Variants in RABGAP1L observed in about 807,000 individuals in gnomAD.
RABGAP1L encodes rab GTPase-activating protein 1-like.
Under a neutral mutation model 137.7 loss-of-function variants are expected in RABGAP1L, and 63 were observed. That is an observed-to-expected ratio of 0.46 (90% CI 0.37 to 0.56). The LOEUF (loss-of-function observed/expected upper bound fraction) is 0.56. Among genes scored for constraint, RABGAP1L ranks in the 20% least tolerant of loss-of-function variants. The pLI, the probability that RABGAP1L is intolerant of heterozygous loss-of-function variation, is 0.00. For missense variants in RABGAP1L, 1,095 were observed against 1,244.0 expected (o/e 0.88, Z 1.80); for synonymous variants, 431 against 433.7 (o/e 0.99, Z 0.08).
intron 12 of RABGAP1L, among the ~76,000 whole-genome samples, chr1:174,371,797 G>A (rs138237646): frequency 2.6e-5 from 4 of 152,176 alleles, no homozygotes; most frequent in Admixed American, 1.3e-4. Flanking sequence ...AAGTCTGGGC[G>A]GAATTTCACA....
intron 13 of RABGAP1L, among the ~76,000 whole-genome samples, chr1:174,442,916 A>C (rs1654319854): frequency 6.6e-6 from 1 of 151,972 alleles, no homozygotes; most frequent in Admixed American, 6.6e-5. Flanking sequence ...TTTACTCACT[A>C]CTTCAATAAG....
At chr1:174,526,908 T>A (rs538745451) in intron 13 of RABGAP1L, among the ~76,000 whole-genome samples, 2 of 152,270 alleles carry the variant, frequency 1.3e-5, no homozygotes, top group East Asian at 3.9e-4. Context: ...CCTTGAGGCA[T>A]ATTGTCAGAT....
chr1:174,878,925 G>GTTTTTTTTTTTT lies in RABGAP1L; in HGVS notation c.2340+66979_2340+66990dup, dbSNP rs869251284. 9.4e-5 allele frequency among the ~76,000 whole-genome samples: 8 copies of GTTTTTTTTTTTT among 85,184 alleles called. 1 individual carries two copies. Among genetic ancestry groups the GTTTTTTTTTTTT allele is most frequent in the African/African-American group, 2.7e-4 (5 of 18,604 alleles). 55.9% of individuals were successfully genotyped at this position (85,184 alleles called of 152,430 possible). ...AGAATTATGTAATTTTTTGTGCATTGTTTTTTTTTTTTTTTTTTTTTTTTT... is the reference window on the plus strand; with the variant it reads ...AGAATTATGTAATTTTTTGTGCATTGTTTTTTTTTTTTTTTTTTTTTTTTTTTTTTTTTTTTT... On this transcript the variant is annotated intron_variant, in intron 19 of 25. Coordinates refer to ENST00000681986, the MANE Select transcript of RABGAP1L (RefSeq NM_001366446.1).
At chr1:174,962,761 T>A (rs1444382406) in intron 20 of RABGAP1L, among the ~76,000 whole-genome samples, 2 of 152,196 alleles carry the variant, frequency 1.3e-5, no homozygotes, top group African/African-American at 4.8e-5. Context: ...TGTTGGACCC[T>A]TTCTTACTCA....
chr1:174,349,380 C>T (rs1387087948), intron 11 of RABGAP1L, among the ~76,000 whole-genome samples: 6 of 134,344 alleles, frequency 4.5e-5, no homozygotes, highest in Admixed American at 7.1e-5. Flanking sequence ...ACCTCCCTCC[C>T]GGACGGGGCG....
intron 7 of RABGAP1L, among the ~76,000 whole-genome samples, chr1:174,257,255 A>C (rs1673214430): frequency 6.6e-6 from 1 of 152,214 alleles, no homozygotes; most frequent in African/African-American, 2.4e-5. Flanking sequence ...GTATTGAGTT[A>C]ATTTAACTTT....
Position 174,233,511 on chromosome 1 carries a change from C to T in RABGAP1L, c.542+2156C>T, listed in dbSNP as rs1420663190. On this transcript the variant is annotated intron_variant, in intron 4 of 25. Coordinates refer to ENST00000681986, the MANE Select transcript of RABGAP1L (RefSeq NM_001366446.1). ...CTTCCCACCTATGAGTGAGAATATG[C>T]GGTGTTTGGTTTTTTGTTCTTGCGA... is the stretch of plus-strand genomic sequence containing the variant. 9.3e-5 allele frequency among the ~76,000 whole-genome samples: 13 copies of T among 140,308 alleles called. No homozygotes were observed. The South Asian group carries it at 1.9e-3, about 21-fold the overall frequency. 92.0% of individuals were successfully genotyped at this position (140,308 alleles called of 152,430 possible).
intron 15 of RABGAP1L, among the ~76,000 whole-genome samples, chr1:174,693,801 T>C (rs528467539): frequency 1.0e-3 from 154 of 152,332 alleles, no homozygotes; most frequent in Non-Finnish European, 1.8e-3. Flanking sequence ...ATCAAACAAC[T>C]GCACAAATGC....
chr1:174,638,722 T>A lies in RABGAP1L; in HGVS notation c.1824+1234T>A, dbSNP rs567704454. Among the ~76,000 whole-genome samples, 386 of 144,386 alleles carry A rather than the reference T, an allele frequency of 2.7e-3. 1 individual carries two copies. The highest frequency in any genetic ancestry group is 9.5e-3 in the African/African-American group (365 of 38,432). 94.7% of individuals were successfully genotyped at this position (144,386 alleles called of 152,430 possible). A position where few individuals can be genotyped will look rare whatever the true frequency, so the allele number is the denominator to read the frequency against. On this transcript the variant is annotated intron_variant, in intron 14 of 25. Transcript: ENST00000681986. Reference sequence around the variant, plus strand: ...TATGCAGCCATAAAAAATGATGAGTTCATGTCCTTTGTAGGGACATGGATG... The same window carrying A: ...TATGCAGCCATAAAAAATGATGAGTACATGTCCTTTGTAGGGACATGGATG...
chr1:174,876,293 C>T (rs34172033), intron 19 of RABGAP1L, among the ~76,000 whole-genome samples: 12 of 152,032 alleles, frequency 7.9e-5, no homozygotes, highest in Non-Finnish European at 1.5e-4. Context: ...TGATTTTAGA[C>T]GAACTTGCCA....
intron 17 of RABGAP1L, among the ~76,000 whole-genome samples, chr1:174,726,492 A>G (rs1681994600): frequency 6.6e-6 from 1 of 151,978 alleles, no homozygotes; most frequent in African/African-American, 2.4e-5. Flanking sequence ...GCAAGGTTGA[A>G]TCAAAAGTAA....
At chr1:174,250,134 G>A (rs1672603090) in intron 5 of RABGAP1L, among the ~76,000 whole-genome samples, 1 of 152,116 alleles carries the variant, frequency 6.6e-6, no homozygotes, top group African/African-American at 2.4e-5. Context: ...TAATTTCAAA[G>A]TAAAAAATTC....
intron 1 of RABGAP1L, among the ~76,000 whole-genome samples, chr1:174,178,755 TCTCA>T (rs1301391133): frequency 6.6e-6 from 1 of 152,140 alleles, no homozygotes; most frequent in Non-Finnish European, 1.5e-5. Flanking sequence ...CACCGAATGT[TCTCA>T]CTCATAAGTG....
chr1:174,799,971 C>T (rs1688597693), intron 18 of RABGAP1L: 1 of 1,019,638 alleles, frequency 9.8e-7, no homozygotes, highest in Non-Finnish European at 1.2e-6. Flanking sequence ...CACACACACA[C>T]ACACACACTC....
At chr1:174,501,210 T>C (rs1661240783) in intron 13 of RABGAP1L, among the ~76,000 whole-genome samples, 1 of 151,380 alleles carries the variant, frequency 6.6e-6, no homozygotes, top group African/African-American at 2.4e-5. Context: ...TCTCACTTTG[T>C]TTACTCTTTT....
At chr1:174,495,193 A>G (rs1660630300) in intron 13 of RABGAP1L, among the ~76,000 whole-genome samples, 1 of 152,172 alleles carries the variant, frequency 6.6e-6, no homozygotes, top group Non-Finnish European at 1.5e-5. Context: ...TGGAAGATAT[A>G]TATCATGAAC....
chr1:174,571,750 G>T (rs1667992738), intron 13 of RABGAP1L, among the ~76,000 whole-genome samples: 1 of 151,900 alleles, frequency 6.6e-6, no homozygotes, highest in Non-Finnish European at 1.5e-5. Context: ...ATCTCAAAAG[G>T]GCAATAAAAT....
At chr1:174,307,429 A>G (rs1262823881) in intron 11 of RABGAP1L, among the ~76,000 whole-genome samples, 4 of 152,170 alleles carry the variant, frequency 2.6e-5, no homozygotes, top group Non-Finnish European at 4.4e-5. Context: ...CCAAGAGGAA[A>G]TATTATACCT....
intron 5 of RABGAP1L, chr1:174,245,231 C>T (rs141280258): frequency 2.8e-4 from 43 of 152,268 alleles, no homozygotes; most frequent in African/African-American, 1.0e-3. Flanking sequence ...CATCACCACA[C>T]CTGGATAATT....
Sources: gnomAD v4.1 joint callset for allele counts (sites outside exome capture counted in the v4.1 genomes callset) on GRCh38, gnomAD v4.1.1 for gene constraint, MANE v1.5 for transcripts, NCBI Gene and HGNC (gene_info 2026-07-23, HGNC 2026-07-21) for gene names.